The following DIP2A variants were observed in gnomAD, a reference collection of about 807,000 sequenced individuals.
DIP2A encodes DIP2 acetate--CoA ligase A.
Under a neutral mutation model 177.4 loss-of-function variants are expected in DIP2A, and 85 were observed. The ratio of observed to expected loss-of-function variants is 0.48; its 90% CI spans 0.40 to 0.57. DIP2A has a LOEUF of 0.57. Among genes scored for constraint, DIP2A ranks in the 20% least tolerant of loss-of-function variants. DIP2A has a pLI of 0.00. For missense variants in DIP2A, 1,791 were observed against 2,100.2 expected, an observed-to-expected ratio of 0.85 and a Z score of 2.88; for synonymous variants, 886 against 881.8, an observed-to-expected ratio of 1.00 and a Z score of -0.08.
In DIP2A at chr21:46,497,106, A is replaced by C. The variant is rs766400850; in HGVS notation, c.402A>C (p.Pro134=). 5 of 1,602,942 alleles carry C rather than the reference A, an allele frequency of 3.1e-6. No homozygotes were observed. The Middle Eastern group carries it at 5.0e-4, about 159-fold the overall frequency. ...CGTCTGTGGAAACCTACACCCCTCC[A>C]GGTATTGATAAACAATGTCAAGTGT... The part of the protein sequence containing the change: ...VHSSVETYTP[P]DTSSASEDEG... Residue 134 remains proline (P), a splice_region_variant and synonymous_variant, in exon 4 of 38, where the codon CCA becomes CCC. Coordinates refer to ENST00000417564, the MANE Select transcript of DIP2A (RefSeq NM_015151.4).
chr21:46,513,232 G>A (rs747108681), intron 8 of DIP2A, among the ~76,000 whole-genome samples: 3 of 151,938 alleles, frequency 2.0e-5, no homozygotes, highest in Admixed American at 6.6e-5. Context: ...TTCACATTTA[G>A]GTGTGATGAT....
At chr21:46,552,934 T>G (rs567527651) in intron 25 of DIP2A, 1 of 152,418 alleles carries the variant, frequency 6.6e-6, no homozygotes, top group African/African-American at 2.4e-5. Flanking sequence ...TGATGTAACC[T>G]GGAGTGCTGG....
chr21:46,543,074 C>T (rs2148824231), intron 18 of DIP2A, among the ~76,000 whole-genome samples: 1 of 152,348 alleles, frequency 6.6e-6, no homozygotes, highest in Admixed American at 6.5e-5. Context: ...CTACTTGTTA[C>T]TCATACAAAT....
At chr21:46,479,684 A>G (rs1438764736) in intron 1 of DIP2A, among the ~76,000 whole-genome samples, 1 of 152,160 alleles carries the variant, frequency 6.6e-6, no homozygotes, top group Non-Finnish European at 1.5e-5. Flanking sequence ...GTGCCACCAC[A>G]GCCAGCTAAT....
intron 1 of DIP2A, among the ~76,000 whole-genome samples, chr21:46,469,992 T>G (rs1290163240): frequency 6.6e-6 from 1 of 152,250 alleles, no homozygotes; most frequent in Non-Finnish European, 1.5e-5. Flanking sequence ...ATCACATATT[T>G]AATCTTTTAA....
chr21:46,459,157 A>G lies in DIP2A; in HGVS notation c.26A>G (p.Glu9Gly). 1 of 1,518,970 alleles carries G rather than the reference A, an allele frequency of 6.6e-7. No individual in the cohort carries two copies. Among genetic ancestry groups the G allele is most frequent in the Non-Finnish European group, 8.8e-7 (1 of 1,134,310 alleles). The allele number at this position is 1,518,970 out of a possible 1,614,324, so 94.1% of individuals were successfully genotyped here. ...ATGGCTGACCGCGGGTGCCCGCTGGAGGCGGCGCCGCTGCCTGCCGAGGTG... is the reference window on the plus strand; with the variant it reads ...ATGGCTGACCGCGGGTGCCCGCTGGGGGCGGCGCCGCTGCCTGCCGAGGTG... MADRGCPLEAAPLPAEVRE... is the reference protein window; with the variant it reads MADRGCPLGAAPLPAEVRE... The change falls in exon 1 of 38, where the codon GAG (glutamate) becomes GGG (glycine). Residue 9 changes from glutamate to glycine, a missense_variant. Physicochemically the swap from Glu to Gly is moderately conservative, Grantham distance 98. Transcript: ENST00000417564.
chr21:46,508,931 A>G (rs1430617099), intron 6 of DIP2A, among the ~76,000 whole-genome samples: 3 of 152,044 alleles, frequency 2.0e-5, no homozygotes, highest in East Asian at 3.9e-4. Flanking sequence ...AGGCAAGAGA[A>G]TCGCTTGAAC....
At chr21:46,526,873 C>G (rs2059117974) in intron 8 of DIP2A, among the ~76,000 whole-genome samples, 1 of 152,148 alleles carries the variant, frequency 6.6e-6, no homozygotes, top group African/African-American at 2.4e-5. Flanking sequence ...ACTGGCTAAG[C>G]CTTTCAGTAA....
Position 46,558,246 on chromosome 21 carries a change from T to C in DIP2A, c.3822T>C (p.Cys1274=). The stretch of plus-strand genomic sequence containing the variant: ...AGATGAAGGGGGTGAACCTGTCATG[T>C]GTGCGCACGTGCATGGTGGTCGCCG... ...VLRMKGVNLS[C]VRTCMVVAEE... is the part of the protein sequence containing the mutation. Residue 1274 remains cysteine (C), a synonymous_variant, in exon 32 of 38, where the codon TGT becomes TGC. Transcript: ENST00000417564. The C allele has an allele frequency of 6.2e-7, 1 of 1,612,646 alleles. No individual in the cohort carries two copies. Among genetic ancestry groups the C allele is most frequent in the Non-Finnish European group, 8.5e-7 (1 of 1,179,728 alleles).
chr21:46,532,055 A>G, intron 9 of DIP2A, 72 bp from the exon 10 acceptor site: 1 of 1,409,142 alleles, frequency 7.1e-7, no homozygotes, highest in African/African-American at 1.5e-5. Flanking sequence ...TTTATTTATA[A>G]CTAGCTTTTA....
chr21:46,580,579 G>T, the DIP2A span, among the ~76,000 whole-genome samples: 1 of 152,196 alleles, frequency 6.6e-6, no homozygotes, highest in Non-Finnish European at 1.5e-5. Flanking sequence ...GTACAGGCTG[G>T]TAATAGTTTT....
At position 46,568,899 on chromosome 21, in the gene DIP2A, G is replaced by A. The variant is rs2060905114; in HGVS notation, c.*1277G>A. The A allele has an allele frequency of 6.6e-6, 1 of 152,126 alleles. No individual in the cohort carries two copies. The highest frequency in any genetic ancestry group is 6.6e-5 in the Admixed American group (1 of 15,266). The allele number at this position is 152,126 out of a possible 1,614,324, so 9.4% of individuals were successfully genotyped here. Reference sequence around the variant, plus strand: ...GGTGGAGATGGTTACATTCTTCACTGCTTTTTGCATTTTGAGTTGTGTGCC... The same window carrying A: ...GGTGGAGATGGTTACATTCTTCACTACTTTTTGCATTTTGAGTTGTGTGCC... On this transcript the variant is annotated 3_prime_UTR_variant, in exon 38 of 38. Transcript: ENST00000417564.
At chr21:46,536,665 A>T (rs1001754705) in intron 13 of DIP2A, among the ~76,000 whole-genome samples, 1 of 152,188 alleles carries the variant, frequency 6.6e-6, no homozygotes, top group Non-Finnish European at 1.5e-5. Flanking sequence ...GCACTTTGGG[A>T]GGCTGAGACG....
chr21:46,521,257 C>T (rs1173248600), intron 8 of DIP2A, among the ~76,000 whole-genome samples: 4 of 152,062 alleles, frequency 2.6e-5, no homozygotes, highest in Non-Finnish European at 4.4e-5. Context: ...GGCGTGATCT[C>T]GGCTCACTGC....
At chr21:46,459,252 G>T in intron 1 of DIP2A, 30 bp downstream of exon 1, 1 of 1,488,698 alleles carries the variant, frequency 6.7e-7, no homozygotes, top group Non-Finnish European at 9.0e-7. Context: ...CAACCCCCGC[G>T]ACCCGCCCTC....
In DIP2A at chr21:46,504,399, G is replaced by A. The variant is rs543799829; in HGVS notation, c.694G>A (p.Val232Met). 2.5e-5 allele frequency: 41 copies of A among 1,613,780 alleles called. No individual in the cohort carries two copies. The highest frequency in any genetic ancestry group is 1.2e-4 in the African/African-American group (9 of 74,930). Reference protein sequence around the residue: ...SAPPDVTTGLVEHSYFERPQV... With the variant: ...SAPPDVTTGLMEHSYFERPQV... The stretch of plus-strand genomic sequence containing the variant: ...CCCTCCTGATGTCACCACGGGCCTC[G>A]TGGAGCATTCGTACTTTGAGCGTCC... The change falls in exon 6 of 38, where the codon GTG becomes ATG. Residue 232 changes from valine (V) to methionine (M), a missense_variant. Physicochemically the swap from Val to Met is conservative, Grantham distance 21. Coordinates refer to ENST00000417564, the MANE Select transcript of DIP2A (RefSeq NM_015151.4).
chr21:46,575,258 G>C, the DIP2A span, among the ~76,000 whole-genome samples: 2 of 151,990 alleles, frequency 1.3e-5, no homozygotes, highest in South Asian at 4.1e-4. Context: ...AAACAACTAG[G>C]AATAAAAGGA....
In DIP2A at chr21:46,502,789, T is replaced by C. The variant is rs150890844; in HGVS notation, c.656-1572T>C. Among the ~76,000 whole-genome samples the C allele has an allele frequency of 9.3e-3, 1,416 of 152,230 alleles. 7 individuals are homozygous for C. The highest frequency in any genetic ancestry group is 0.015 in the Non-Finnish European group (1,049 of 68,018). On this transcript the variant is annotated intron_variant, in intron 5 of 37. Coordinates refer to ENST00000417564, the MANE Select transcript of DIP2A (RefSeq NM_015151.4). ...AAATGGGCGAGCATCTGTGTATTCA[T>C]TGTTGTGGTAGAACACAATTTCTAT...
At chr21:46,519,397 C>G (rs2058722961) in intron 8 of DIP2A, among the ~76,000 whole-genome samples, 1 of 152,138 alleles carries the variant, frequency 6.6e-6, no homozygotes, top group South Asian at 2.1e-4. Context: ...GATGGAGTTG[C>G]TCTGGTTTAA....
Sources: gnomAD v4.1 joint callset for allele counts (sites outside exome capture counted in the v4.1 genomes callset) on GRCh38, gnomAD v4.1.1 for gene constraint, MANE v1.5 for transcripts, NCBI Gene and HGNC (gene_info 2026-07-23, HGNC 2026-07-21) for gene names.